The following AHCY variants were observed in gnomAD, a reference collection of about 807,000 sequenced individuals.
The protein encoded by AHCY is adenosylhomocysteinase.
Under a neutral mutation model 45.4 loss-of-function variants are expected in AHCY, and 24 were observed. The ratio of observed to expected loss-of-function variants is 0.53; its 90% CI spans 0.38 to 0.74. The LOEUF (loss-of-function observed/expected upper bound fraction) is 0.74, where lower values mean the gene tolerates loss of function less well. AHCY is among the 30% of genes least tolerant of loss of function. The probability of loss-of-function intolerance (pLI) is 0.00; values close to 1 mark genes in which losing one functional copy is unlikely to be tolerated. For synonymous variants in AHCY, 245 were observed against 235.1 expected (o/e 1.04, Z -0.39); for missense variants, 449 against 594.1 (o/e 0.76, Z 2.54).
At chr20:34,283,146 T>C (rs185801600) in intron 9 of AHCY, among the ~76,000 whole-genome samples, 107 of 152,116 alleles carry the variant, frequency 7.0e-4, no homozygotes, top group Non-Finnish European at 1.0e-3. Context: ...ACAGTACACA[T>C]TGAAATCAAC....
At chr20:34,269,503 G>C in the AHCY span, among the ~76,000 whole-genome samples, 11 of 152,202 alleles carry the variant, frequency 7.2e-5, no homozygotes, top group African/African-American at 2.2e-4. Flanking sequence ...TTAGGAACGA[G>C]GCTATCCCCT....
chr20:34,269,175 C>G, the AHCY span: 8 of 1,498,530 alleles, frequency 5.3e-6, no homozygotes, highest in South Asian at 3.8e-5. Context: ...TGAGCGCCCC[C>G]ACTCCCGGCC....
the AHCY span, among the ~76,000 whole-genome samples, chr20:34,233,143 C>CTTTTT: frequency 2.0e-4 from 20 of 100,304 alleles, 1 homozygote; most frequent in East Asian, 6.1e-4. Context: ...GGGACAAGAG[C>CTTTTT]TTTTTTTTTT....
At position 34,292,360 on chromosome 20, in the gene AHCY, G is replaced by A. The variant is rs2036424542; in HGVS notation, c.443C>T (p.Pro148Leu). 1.2e-6 allele frequency: 2 copies of A among 1,612,984 alleles called. No individual in the cohort carries two copies. The highest frequency in any genetic ancestry group is 1.7e-6 in the Non-Finnish European group (2 of 1,179,896). ...LIHTKYPQLLPGIRGISEETT... is the reference protein window; with the variant it reads ...LIHTKYPQLLLGIRGISEETT... ...CCCACCTGCCCCGCCCTGCTCACCT[G>A]GCAGAAGCTGCGGGTACTTGGTGTG... Residue 148 changes from proline (P) to leucine (L), a missense_variant and splice_region_variant, in exon 4 of 10, where the codon CCA becomes CTA. Coordinates refer to ENST00000217426, the MANE Select transcript of AHCY (RefSeq NM_000687.4).
At chr20:34,278,084 T>C (rs1446251742), downstream of AHCY, among the ~76,000 whole-genome samples, 1 of 152,094 alleles carries the variant, frequency 6.6e-6, no homozygotes, top group Admixed American at 6.6e-5. Context: ...GAGTGGAGTA[T>C]TGGGGTATTG....
the AHCY span, chr20:34,269,119 C>T: frequency 6.4e-7 from 1 of 1,560,586 alleles, no homozygotes; most frequent in Non-Finnish European, 8.7e-7. Context: ...GCCAGTGCCG[C>T]TTCTTCCGCA....
At chr20:34,260,146 T>C in the AHCY span, among the ~76,000 whole-genome samples, 1 of 152,032 alleles carries the variant, frequency 6.6e-6, no homozygotes, top group African/African-American at 2.4e-5. Flanking sequence ...AATCTCCTTC[T>C]GTTCCTTGTC....
the AHCY span, chr20:34,263,031 A>G: frequency 3.9e-6 from 4 of 1,017,140 alleles, no homozygotes; most frequent in Non-Finnish European, 5.7e-6. Flanking sequence ...GAAAGCTACT[A>G]AAGACTTCCT....
At chr20:34,311,320 G>A (rs1027078720) in intron 1 of AHCY, among the ~76,000 whole-genome samples, 5 of 152,218 alleles carry the variant, frequency 3.3e-5, no homozygotes, top group Non-Finnish European at 7.3e-5. Context: ...GTGCTTCCCT[G>A]GGGATCCCCG....
At chr20:34,262,851 A>T in the AHCY span, 1 of 1,614,026 alleles carries the variant, frequency 6.2e-7, no homozygotes. Flanking sequence ...AGAAATCCAA[A>T]CAGATCGGCA....
At chr20:34,305,598 G>A (rs1481073848), upstream of AHCY, among the ~76,000 whole-genome samples, 2 of 152,110 alleles carry the variant, frequency 1.3e-5, no homozygotes, top group African/African-American at 2.4e-5. Flanking sequence ...TACGAGAACA[G>A]AAAAATGGCT....
At chr20:34,304,085 C>T (rs1217901591), upstream of AHCY, among the ~76,000 whole-genome samples, 1 of 152,200 alleles carries the variant, frequency 6.6e-6, no homozygotes, top group Non-Finnish European at 1.5e-5. Flanking sequence ...AACCAACACC[C>T]TGAATTTAAG....
rs57865142 is a variant in AHCY at position 34,295,646 on chromosome 20, G to A, written c.29-61C>T. ...CCTCATCCCACCAACCAAGAGGGGCGGTCACTGCATGGACCCCGATCCACG... is the reference window on the plus strand; with the variant it reads ...CCTCATCCCACCAACCAAGAGGGGCAGTCACTGCATGGACCCCGATCCACG... On this transcript the variant is annotated intron_variant, in intron 1 of 9. Transcript: ENST00000217426. The A allele has an allele frequency of 1.6e-3, 2,475 of 1,562,682 alleles. 44 individuals carry two copies. The African/African-American group carries it at 0.029, about 18-fold the overall frequency.
chr20:34,264,385 C>G, the AHCY span, among the ~76,000 whole-genome samples: 1 of 152,282 alleles, frequency 6.6e-6, no homozygotes, highest in South Asian at 2.1e-4. Context: ...CACAAGGAGT[C>G]TCACCAGGAA....
chr20:34,279,505 A>G (rs1294536011), downstream of AHCY, among the ~76,000 whole-genome samples: 1 of 151,830 alleles, frequency 6.6e-6, no homozygotes, highest in East Asian at 1.9e-4. Context: ...TGTTTTGACC[A>G]CTTGTGTTGT....
chr20:34,263,614 C>T, the AHCY span, among the ~76,000 whole-genome samples: 5 of 150,926 alleles, frequency 3.3e-5, no homozygotes, highest in African/African-American at 7.3e-5. Flanking sequence ...CTCTTGAACA[C>T]ATGTGTTTGA....
the AHCY span, among the ~76,000 whole-genome samples, chr20:34,257,131 T>G: frequency 6.6e-6 from 1 of 151,510 alleles, no homozygotes; most frequent in South Asian, 2.1e-4. Context: ...TCACCCAGGC[T>G]GGAGTGAAGT....
intron 1 of AHCY, among the ~76,000 whole-genome samples, chr20:34,301,334 C>T (rs1024636293): frequency 1.3e-5 from 2 of 152,104 alleles, no homozygotes; most frequent in Admixed American, 6.5e-5. Context: ...TCCTTCAGTG[C>T]CCTCGAGGAC....
chr20:34,266,313 A>G, the AHCY span, among the ~76,000 whole-genome samples: 1 of 151,158 alleles, frequency 6.6e-6, no homozygotes, highest in Non-Finnish European at 1.5e-5. Context: ...CCGTGCCACT[A>G]CACTCCAGCC....
Sources: gnomAD v4.1 joint callset for allele counts (sites outside exome capture counted in the v4.1 genomes callset) on GRCh38, gnomAD v4.1.1 for gene constraint, MANE v1.5 for transcripts, NCBI Gene and HGNC (gene_info 2026-07-23, HGNC 2026-07-21) for gene names.